Variants in DNM3 observed in about 807,000 individuals in gnomAD.
DNM3 encodes the protein dynamin-3.
DNM3 carries 47 observed loss-of-function variants against 101.6 expected under a neutral mutation model. The ratio of observed to expected loss-of-function variants is 0.46; its 90% CI spans 0.37 to 0.59. DNM3 has a LOEUF of 0.59. Among genes scored for constraint, DNM3 ranks in the 20% least tolerant of loss-of-function variants. The pLI is 0.00. For synonymous variants in DNM3, 385 were observed against 387.9 expected (o/e 0.99, Z 0.09); for missense variants, 849 against 1,085.7 (o/e 0.78, Z 3.06).
chr1:171,921,195 G>C (rs953315645), intron 1 of DNM3, among the ~76,000 whole-genome samples: 2 of 151,054 alleles, frequency 1.3e-5, no homozygotes, highest in Admixed American at 1.3e-4. Flanking sequence ...CAATTCACCA[G>C]CCTCAGCCTC....
chr1:172,227,640 G>T (rs574109696), intron 14 of DNM3, among the ~76,000 whole-genome samples: 7 of 152,134 alleles, frequency 4.6e-5, no homozygotes, highest in Admixed American at 3.3e-4. Context: ...GGGTAAGGTG[G>T]TATCTCATTG....
chr1:172,106,362 T>A (rs1229770399), intron 13 of DNM3, among the ~76,000 whole-genome samples: 2 of 151,906 alleles, frequency 1.3e-5, no homozygotes, highest in African/African-American at 4.8e-5. Flanking sequence ...AGGAAGTTGC[T>A]GTGAGCCGAC....
chr1:172,000,840 C>A (rs2046315607), intron 4 of DNM3, among the ~76,000 whole-genome samples: 1 of 152,052 alleles, frequency 6.6e-6, no homozygotes, highest in East Asian at 1.9e-4. Flanking sequence ...TCAAGGCCCA[C>A]TGTAGAGGGA....
At chr1:172,319,067 C>T (rs1201889685) in intron 16 of DNM3, among the ~76,000 whole-genome samples, 2 of 151,986 alleles carry the variant, frequency 1.3e-5, no homozygotes, top group African/African-American at 4.8e-5. Flanking sequence ...AGAACAGAGC[C>T]CTCAGAAATA....
intron 1 of DNM3, among the ~76,000 whole-genome samples, chr1:171,919,645 A>G (rs950398818): frequency 3.9e-5 from 6 of 152,158 alleles, no homozygotes; most frequent in Non-Finnish European, 8.8e-5. Context: ...TGCTTTGTTT[A>G]TTTTGATTAA....
chr1:172,342,367 T>A (rs999172745), intron 17 of DNM3, among the ~76,000 whole-genome samples: 11 of 152,172 alleles, frequency 7.2e-5, no homozygotes, highest in Admixed American at 5.9e-4. Flanking sequence ...TAAATGCTCA[T>A]CAGTGGTAGA....
intron 14 of DNM3, among the ~76,000 whole-genome samples, chr1:172,199,383 T>C (rs1372611443): frequency 6.6e-6 from 1 of 152,122 alleles, no homozygotes; most frequent in Non-Finnish European, 1.5e-5. Context: ...ATGTATATTT[T>C]GTTGATTCTG....
intron 1 of DNM3, among the ~76,000 whole-genome samples, chr1:171,904,153 GAAA>G (rs35034472): frequency 7.4e-6 from 1 of 135,436 alleles, no homozygotes; most frequent in Non-Finnish European, 1.6e-5. Flanking sequence ...TCAAAAAATA[GAAA>G]AAAAAAAAAA....
At chr1:172,414,624 G>A (rs2071361469), downstream of DNM3, among the ~76,000 whole-genome samples, 1 of 152,068 alleles carries the variant, frequency 6.6e-6, no homozygotes, top group Non-Finnish European at 1.5e-5. Flanking sequence ...GATTTCCTCA[G>A]TACAGACTCT....
At chr1:172,243,247 A>C (rs1291320587) in intron 14 of DNM3, among the ~76,000 whole-genome samples, 1 of 152,156 alleles carries the variant, frequency 6.6e-6, no homozygotes, top group Admixed American at 6.5e-5. Flanking sequence ...CAAAATCCTT[A>C]ATGTTCTCAC....
chr1:171,963,491 AG>A (rs941799124), intron 2 of DNM3, among the ~76,000 whole-genome samples: 4 of 152,138 alleles, frequency 2.6e-5, no homozygotes, highest in Non-Finnish European at 5.9e-5. Flanking sequence ...CAACACCAAG[AG>A]GGACCCCTAC....
chr1:172,354,672 C>T (rs1038521587), intron 17 of DNM3, among the ~76,000 whole-genome samples: 1 of 151,948 alleles, frequency 6.6e-6, no homozygotes, highest in African/African-American at 2.4e-5. Context: ...CTTTTAAATT[C>T]CTGACTGAGC....
chr1:172,034,017 T>C (rs1272427938), intron 6 of DNM3, among the ~76,000 whole-genome samples: 1 of 152,196 alleles, frequency 6.6e-6, no homozygotes, highest in East Asian at 1.9e-4. Context: ...TTGTAAGTTA[T>C]GCTTTAACTG....
intron 14 of DNM3, chr1:172,133,206 G>C (rs2057034747): frequency 8.1e-7 from 1 of 1,240,828 alleles, no homozygotes; most frequent in Non-Finnish European, 1.0e-6. Flanking sequence ...TAAGCCCATT[G>C]GAAGGTATAG....
intron 14 of DNM3, among the ~76,000 whole-genome samples, chr1:172,250,433 G>A (rs1272427965): frequency 6.6e-6 from 1 of 152,128 alleles, no homozygotes; most frequent in East Asian, 1.9e-4. Context: ...GAGGTTAGTG[G>A]ATTTTCTTCC....
At chr1:172,307,408 G>A (rs1400645476) in intron 15 of DNM3, among the ~76,000 whole-genome samples, 1 of 152,170 alleles carries the variant, frequency 6.6e-6, no homozygotes, top group Non-Finnish European at 1.5e-5. Flanking sequence ...AAATAGGAAT[G>A]CTTTTACACG....
chr1:171,995,398 C>A (rs1046946854), intron 4 of DNM3, among the ~76,000 whole-genome samples: 1 of 151,836 alleles, frequency 6.6e-6, no homozygotes, highest in Non-Finnish European at 1.5e-5. Context: ...AGCCACTGTG[C>A]CTAGCTAGAA....
intron 20 of DNM3, among the ~76,000 whole-genome samples, chr1:172,406,196 G>A (rs2070870560): frequency 6.6e-6 from 1 of 151,948 alleles, no homozygotes; most frequent in Non-Finnish European, 1.5e-5. Flanking sequence ...CAGGAGAGGG[G>A]AAGGCAGGTC....
chr1:172,145,864 A>G lies in DNM3; in HGVS notation c.1659+14576A>G, dbSNP rs141782354. On this transcript the variant is annotated intron_variant, in intron 14 of 20. Coordinates refer to ENST00000627582, the MANE Select transcript of DNM3 (RefSeq NM_015569.5). ...CTAAATCTGTTGAAATTTGCCAAGT[A>G]CCGCTTGACCAAAGGTTATAAGATA... Among the ~76,000 whole-genome samples the G allele has an allele frequency of 7.9e-4, 120 of 152,262 alleles. No individual in the cohort carries two copies. The East Asian group carries it at 0.014, about 18-fold the overall frequency.
Sources: allele counts gnomAD v4.1 joint callset (sites outside exome capture counted in the v4.1 genomes callset), GRCh38; gene constraint gnomAD v4.1.1; transcripts MANE v1.5; gene names NCBI Gene and HGNC (gene_info 2026-07-23, HGNC 2026-07-21).